Variants in NEGR1 observed in about 807,000 individuals in gnomAD.
NEGR1 encodes the protein IgLON family member 4.
NEGR1 carries 10 observed loss-of-function variants against 40.9 expected under a neutral mutation model. The ratio of observed to expected loss-of-function variants is 0.24; its 90% CI spans 0.15 to 0.42. NEGR1 has a LOEUF of 0.42. Ranked by LOEUF, NEGR1 falls within the 10% of genes least tolerant of loss-of-function variation. NEGR1 has a pLI of 1.00. For missense variants in NEGR1, 352 were observed against 438.9 expected (o/e 0.80, Z 1.77); for synonymous variants, 185 against 166.8 (o/e 1.11, Z -0.84).
chr1:72,209,103 C>T (rs1653507744), intron 1 of NEGR1, among the ~76,000 whole-genome samples: 1 of 151,450 alleles, frequency 6.6e-6, no homozygotes, highest in African/African-American at 2.4e-5. Flanking sequence ...GGAGATACTC[C>T]TTTTCAACAC....
intron 1 of NEGR1, among the ~76,000 whole-genome samples, chr1:71,971,155 A>C (rs1379324078): frequency 6.6e-6 from 1 of 152,254 alleles, no homozygotes; most frequent in African/African-American, 2.4e-5. Flanking sequence ...GAATGTGTGA[A>C]GCCACCAGAA....
intron 6 of NEGR1, among the ~76,000 whole-genome samples, chr1:71,545,853 T>C (rs1269175093): frequency 6.6e-6 from 1 of 151,662 alleles, no homozygotes; most frequent in Non-Finnish European, 1.5e-5. Flanking sequence ...TATATTTCTA[T>C]ATTTTGGATC....
intron 1 of NEGR1, among the ~76,000 whole-genome samples, chr1:72,175,015 G>A (rs983603285): frequency 6.6e-6 from 1 of 151,646 alleles, no homozygotes; most frequent in East Asian, 1.9e-4. Flanking sequence ...TGTGCACAAT[G>A]AGCAGGTTAG....
intron 1 of NEGR1, among the ~76,000 whole-genome samples, chr1:72,253,653 C>A (rs955393349): frequency 1.3e-5 from 2 of 152,040 alleles, no homozygotes; most frequent in South Asian, 2.1e-4. Flanking sequence ...AATGAGGAAT[C>A]TACAAGACAT....
At chr1:71,565,382 T>C (rs1038323157) in intron 6 of NEGR1, among the ~76,000 whole-genome samples, 2 of 152,232 alleles carry the variant, frequency 1.3e-5, no homozygotes, top group African/African-American at 4.8e-5. Flanking sequence ...CTAAGACTTT[T>C]ATGATTCATG....
chr1:72,097,817 G>A (rs537316152), intron 1 of NEGR1, among the ~76,000 whole-genome samples: 2 of 152,270 alleles, frequency 1.3e-5, no homozygotes, highest in Admixed American at 1.3e-4. Flanking sequence ...CTCATTCTTA[G>A]GGGAAGAATG....
At chr1:72,003,306 C>A (rs970471426) in intron 1 of NEGR1, among the ~76,000 whole-genome samples, 6 of 150,974 alleles carry the variant, frequency 4.0e-5, no homozygotes, top group African/African-American at 1.2e-4. Flanking sequence ...TAAATATCAA[C>A]ATTTTTGTAC....
chr1:71,499,307 G>A (rs1646984314), intron 6 of NEGR1, among the ~76,000 whole-genome samples: 1 of 151,548 alleles, frequency 6.6e-6, no homozygotes, highest in African/African-American at 2.4e-5. Context: ...ACATGCTTGA[G>A]GATTGTGACT....
chr1:72,088,793 T>A (rs1648328413), intron 1 of NEGR1, among the ~76,000 whole-genome samples: 1 of 107,802 alleles, frequency 9.3e-6, no homozygotes, highest in Admixed American at 1.1e-4. Flanking sequence ...GTTCTCTCTC[T>A]CTCTTTTTTT....
intron 2 of NEGR1, among the ~76,000 whole-genome samples, chr1:71,817,162 T>G (rs1272883462): frequency 6.6e-6 from 1 of 152,040 alleles, no homozygotes; most frequent in Non-Finnish European, 1.5e-5. Flanking sequence ...CATGGAGATG[T>G]GCTGTGCCTA....
intron 6 of NEGR1, among the ~76,000 whole-genome samples, chr1:71,418,221 GA>G (rs1190251149): frequency 1.7e-4 from 25 of 151,282 alleles, no homozygotes; most frequent in Non-Finnish European, 2.7e-4. Flanking sequence ...GTTCAATGGG[GA>G]AAAAATGTGG....
rs1264594571 is a variant in NEGR1, at chr1:71,437,289, A to T, written c.941-29719T>A. On this transcript the variant is annotated intron_variant, in intron 6 of 6. Coordinates refer to ENST00000357731, the MANE Select transcript of NEGR1 (RefSeq NM_173808.3). ...GGATGAGAGGTTTTTAGGGAGTGATAACTAAAGGGTAAAATGTTTCTTTTA... is the reference window on the plus strand; with the variant it reads ...GGATGAGAGGTTTTTAGGGAGTGATTACTAAAGGGTAAAATGTTTCTTTTA... Among the ~76,000 whole-genome samples, 5 of 152,226 alleles carry T rather than the reference A, an allele frequency of 3.3e-5. No homozygotes were observed. The East Asian group carries it at 9.6e-4, about 29-fold the overall frequency.
intron 3 of NEGR1, among the ~76,000 whole-genome samples, chr1:71,722,890 C>T (rs1467300973): frequency 6.6e-6 from 1 of 152,030 alleles, no homozygotes; most frequent in Non-Finnish European, 1.5e-5. Flanking sequence ...TGTACCTTTG[C>T]AATATTTCCC....
chr1:71,779,660 C>A (rs1036548817), intron 2 of NEGR1, among the ~76,000 whole-genome samples: 1 of 151,894 alleles, frequency 6.6e-6, no homozygotes, highest in Admixed American at 6.6e-5. Flanking sequence ...TCCTGCCTCT[C>A]GGGTTGAAGT....
chr1:71,977,607 A>G (rs566724514), intron 1 of NEGR1, among the ~76,000 whole-genome samples: 1 of 152,170 alleles, frequency 6.6e-6, no homozygotes, highest in Admixed American at 6.5e-5. Context: ...GTAACAGAAA[A>G]GATATAAAAG....
chr1:71,808,517 A>G (rs1657862934), intron 2 of NEGR1, among the ~76,000 whole-genome samples: 1 of 152,178 alleles, frequency 6.6e-6, no homozygotes, highest in African/African-American at 2.4e-5. Context: ...TCAGTCACAC[A>G]GCTGGTTCAG....
chr1:71,918,255 A>C (rs970957099), intron 2 of NEGR1, among the ~76,000 whole-genome samples: 3 of 131,852 alleles, frequency 2.3e-5, no homozygotes, highest in African/African-American at 8.9e-5. Context: ...AAAAAAAAAA[A>C]AGAAGAAGAA....
intron 6 of NEGR1, among the ~76,000 whole-genome samples, chr1:71,527,923 T>C (rs1296095975): frequency 6.6e-6 from 1 of 151,352 alleles, no homozygotes; most frequent in Non-Finnish European, 1.5e-5. Context: ...TTTTATTGTA[T>C]TGTCTTCTCT....
Position 71,406,899 on chromosome 1 carries a change from A to T in NEGR1, c.*547T>A, listed in dbSNP as rs1168588620. ...CACAGCCAGTTATATTACAAGGCTCATTCCTGAAACCTGAATATCATGCGA... is the reference window on the plus strand; with the variant it reads ...CACAGCCAGTTATATTACAAGGCTCTTTCCTGAAACCTGAATATCATGCGA... On this transcript the variant is annotated 3_prime_UTR_variant, in exon 7 of 7. Transcript: ENST00000357731. 6.6e-6 allele frequency: 1 copy of T among 152,632 alleles called. No homozygotes were observed. Among genetic ancestry groups the T allele is most frequent in the East Asian group, 1.9e-4 (1 of 5,186 alleles). The allele number at this position is 152,632 out of a possible 1,614,324, so 9.5% of individuals were successfully genotyped here.
Sources: gnomAD v4.1 joint callset for allele counts (sites outside exome capture counted in the v4.1 genomes callset) on GRCh38, gnomAD v4.1.1 for gene constraint, MANE v1.5 for transcripts, NCBI Gene and HGNC (gene_info 2026-07-23, HGNC 2026-07-21) for gene names.